The following HEBP2 variants were observed in gnomAD, a reference collection of about 807,000 sequenced individuals.
The protein encoded by HEBP2 is heme-binding protein 2.
HEBP2 carries 27 observed loss-of-function variants against 23.1 expected under a neutral mutation model. The ratio of observed to expected loss-of-function variants is 1.17; its 90% CI spans 0.86 to 1.61. HEBP2 has a LOEUF of 1.61. Ranked by LOEUF, HEBP2 falls within the 40% of genes most tolerant of loss-of-function variation. The probability of loss-of-function intolerance (pLI) is 0.00; values close to 1 mark genes in which losing one functional copy is unlikely to be tolerated. For synonymous variants in HEBP2, 99 were observed against 95.1 expected (o/e 1.04, Z -0.24); for missense variants, 245 against 253.8 (o/e 0.97, Z 0.24).
Position 138,419,104 on chromosome 6 carries a change from G to C in HEBP2, c.*6026G>C, listed in dbSNP as rs985133298. ...GACTTAGCCTGTTCTATTAGCTTTT[G>C]CCAGTGCCCACCTCAGTGCTGGTAA... On this transcript the variant is annotated 3_prime_UTR_variant, in exon 4 of 4. Transcript: ENST00000607197. 6.6e-6 allele frequency: 1 copy of C among 152,134 alleles called. No homozygotes were observed. The highest frequency in any genetic ancestry group is 1.5e-5 in the Non-Finnish European group (1 of 68,054). The allele number at this position is 152,134 out of a possible 1,614,324, so 9.4% of individuals were successfully genotyped here. A position where few individuals can be genotyped will look rare whatever the true frequency, so the allele number is the denominator to read the frequency against.
In HEBP2 at chr6:138,422,023, A is replaced by C. The variant is rs987139229; in HGVS notation, c.*8945A>C. 5.9e-5 allele frequency: 9 copies of C among 152,224 alleles called. No homozygotes were observed. The highest frequency in any genetic ancestry group is 5.9e-4 in the Admixed American group (9 of 15,282). 9.4% of individuals were successfully genotyped at this position (152,224 alleles called of 1,614,324 possible). ...ATTCAAAAAAAATGCATGTATAAACAAAAAGAAATATTTCAAATATTTACT... is the reference window on the plus strand; with the variant it reads ...ATTCAAAAAAAATGCATGTATAAACCAAAAGAAATATTTCAAATATTTACT... On this transcript the variant is annotated 3_prime_UTR_variant, in exon 4 of 4. Transcript: ENST00000607197.
chr6:138,420,835 T>TCTAA lies in HEBP2; in HGVS notation c.*7760_*7763dup, dbSNP rs375626714. 6 of 152,228 alleles carry TCTAA rather than the reference T, an allele frequency of 3.9e-5. No homozygotes were observed. Among genetic ancestry groups the TCTAA allele is most frequent in the African/African-American group, 7.2e-5 (3 of 41,464 alleles). 9.4% of individuals were successfully genotyped at this position (152,228 alleles called of 1,614,324 possible). A position where few individuals can be genotyped will look rare whatever the true frequency, so the allele number is the denominator to read the frequency against. On this transcript the variant is annotated 3_prime_UTR_variant, in exon 4 of 4. Coordinates refer to ENST00000607197, the MANE Select transcript of HEBP2 (RefSeq NM_014320.3). ...ACTCCAATAATAAATCCTTTGGTATTCTAACTGTCTACTTCTTGAAGAATC... is the reference window on the plus strand; with the variant it reads ...ACTCCAATAATAAATCCTTTGGTATTCTAACTAACTGTCTACTTCTTGAAGAATC...
chr6:138,410,143 C>T (rs530091797), intron 3 of HEBP2, among the ~76,000 whole-genome samples: 2 of 152,274 alleles, frequency 1.3e-5, no homozygotes, highest in South Asian at 2.1e-4. Flanking sequence ...TCTTCTTCTT[C>T]TAAGTAATAG....
intron 3 of HEBP2, among the ~76,000 whole-genome samples, chr6:138,406,869 G>GTA (rs760215377): frequency 2.3e-3 from 350 of 151,440 alleles, no homozygotes; most frequent in Middle Eastern, 3.4e-3. Flanking sequence ...TCTACCAAAT[G>GTA]TATATATATA....
In HEBP2 at chr6:138,417,031, AAG is replaced by A. The variant is rs763282123; in HGVS notation, c.*3956_*3957del. 6.6e-6 allele frequency: 1 copy of A among 152,188 alleles called. No individual in the cohort carries two copies. The highest frequency in any genetic ancestry group is 1.5e-5 in the Non-Finnish European group (1 of 68,038). The allele number at this position is 152,188 out of a possible 1,614,324, so 9.4% of individuals were successfully genotyped here. A position where few individuals can be genotyped will look rare whatever the true frequency, so the allele number is the denominator to read the frequency against. On this transcript the variant is annotated 3_prime_UTR_variant, in exon 4 of 4. Coordinates refer to ENST00000607197, the MANE Select transcript of HEBP2 (RefSeq NM_014320.3). ...TACTCAGGTGGCTCTACCCTGGGGA[AAG>A]AGGAATACCTGGATACGTCAGGGTC...
intron 3 of HEBP2, chr6:138,412,194 C>T (rs778865318): frequency 9.6e-5 from 35 of 363,974 alleles, no homozygotes; most frequent in Admixed American, 3.0e-4. Context: ...TGTGGGAGCT[C>T]GGAGGAAATA....
Position 138,418,214 on chromosome 6 carries a change from A to G in HEBP2, c.*5136A>G, listed in dbSNP as rs1028544893. The G allele has an allele frequency of 1.3e-5, 2 of 152,254 alleles. No homozygotes were observed. The highest frequency in any genetic ancestry group is 2.9e-5 in the Non-Finnish European group (2 of 68,046). The allele number at this position is 152,254 out of a possible 1,614,324, so 9.4% of individuals were successfully genotyped here. A position where few individuals can be genotyped will look rare whatever the true frequency, so the allele number is the denominator to read the frequency against. ...ATCATTAGAAGTAGAACCAGAAGTGACAGATATGAAGAAATTAGCAGCTTG... is the reference window on the plus strand; with the variant it reads ...ATCATTAGAAGTAGAACCAGAAGTGGCAGATATGAAGAAATTAGCAGCTTG... On this transcript the variant is annotated 3_prime_UTR_variant, in exon 4 of 4. Coordinates refer to ENST00000607197, the MANE Select transcript of HEBP2 (RefSeq NM_014320.3).
rs2128183352 is a variant in HEBP2 at position 138,417,965 on chromosome 6, G to T, written c.*4887G>T. 1 of 152,296 alleles carries T rather than the reference G, an allele frequency of 6.6e-6. No individual in the cohort carries two copies. The highest frequency in any genetic ancestry group is 2.1e-4 in the South Asian group (1 of 4,820). The allele number at this position is 152,296 out of a possible 1,614,324, so 9.4% of individuals were successfully genotyped here. A position where few individuals can be genotyped will look rare whatever the true frequency, so the allele number is the denominator to read the frequency against. On this transcript the variant is annotated 3_prime_UTR_variant, in exon 4 of 4. Transcript: ENST00000607197. ...AGGTCAAATTGTCCCTAGACCAAAG[G>T]CTTCTTTGGACTTCCCCTAACAAAG... is the stretch of plus-strand genomic sequence containing the variant.
rs901916007 is a variant in HEBP2, at chr6:138,413,714, C to G, written c.*636C>G. 1 of 152,510 alleles carries G rather than the reference C, an allele frequency of 6.6e-6. No individual in the cohort carries two copies. The highest frequency in any genetic ancestry group is 1.5e-5 in the Non-Finnish European group (1 of 68,214). 9.4% of individuals were successfully genotyped at this position (152,510 alleles called of 1,614,324 possible). ...CCCTAAACATTTCCCTGAACTGTCACGTATTTTCATTCATTCTTTAACTCA... is the reference window on the plus strand; with the variant it reads ...CCCTAAACATTTCCCTGAACTGTCAGGTATTTTCATTCATTCTTTAACTCA... On this transcript the variant is annotated 3_prime_UTR_variant, in exon 4 of 4. Transcript: ENST00000607197.
chr6:138,417,830 A>G lies in HEBP2; in HGVS notation c.*4752A>G, dbSNP rs1774863886. 1 of 152,216 alleles carries G rather than the reference A, an allele frequency of 6.6e-6. No homozygotes were observed. The highest frequency in any genetic ancestry group is 2.4e-5 in the African/African-American group (1 of 41,446). The allele number at this position is 152,216 out of a possible 1,614,324, so 9.4% of individuals were successfully genotyped here. A position where few individuals can be genotyped will look rare whatever the true frequency, so the allele number is the denominator to read the frequency against. ...AATTAGTAGAGCAAATAATTTACAGATCATCTATGGGGCTGGGAAAAGTTT... is the reference window on the plus strand; with the variant it reads ...AATTAGTAGAGCAAATAATTTACAGGTCATCTATGGGGCTGGGAAAAGTTT... On this transcript the variant is annotated 3_prime_UTR_variant, in exon 4 of 4. Transcript: ENST00000607197.
Position 138,419,111 on chromosome 6 carries a change from C to G in HEBP2, c.*6033C>G, listed in dbSNP as rs1436302264. 6.6e-6 allele frequency: 1 copy of G among 151,924 alleles called. No individual in the cohort carries two copies. The highest frequency in any genetic ancestry group is 1.5e-5 in the Non-Finnish European group (1 of 68,014). 9.4% of individuals were successfully genotyped at this position (151,924 alleles called of 1,614,324 possible). A position where few individuals can be genotyped will look rare whatever the true frequency, so the allele number is the denominator to read the frequency against. On this transcript the variant is annotated 3_prime_UTR_variant, in exon 4 of 4. Transcript: ENST00000607197. ...CCTGTTCTATTAGCTTTTGCCAGTG[C>G]CCACCTCAGTGCTGGTAAAATGCAC... is the stretch of plus-strand genomic sequence containing the variant.
chr6:138,410,521 G>T (rs1774727586), intron 3 of HEBP2, among the ~76,000 whole-genome samples: 2 of 141,070 alleles, frequency 1.4e-5, no homozygotes, highest in Admixed American at 7.4e-5. Flanking sequence ...CACTCTTGTT[G>T]CGCAAGCTGG....
At position 138,406,009 on chromosome 6, in the gene HEBP2, G is replaced by A. The variant is rs535510705; in HGVS notation, c.277G>A (p.Val93Met). 1.2e-5 allele frequency: 20 copies of A among 1,613,838 alleles called. No individual in the cohort carries two copies. Among genetic ancestry groups the A allele is most frequent in the South Asian group, 6.6e-5 (6 of 90,946 alleles). The change falls in exon 3 of 4, where the codon GTG becomes ATG. Residue 93 changes from valine (V) to methionine (M), a missense_variant. By Grantham distance (21) the Val-to-Met change is conservative (BLOSUM62 1). Coordinates refer to ENST00000607197, the MANE Select transcript of HEBP2 (RefSeq NM_014320.3). Reference sequence around the variant, plus strand: ...GATGACAGCTCCAGTGACAAGCTACGTGGAGCCTGGTTCAGGTCCTTTTAG... The same window carrying A: ...GATGACAGCTCCAGTGACAAGCTACATGGAGCCTGGTTCAGGTCCTTTTAG... ...IKMTAPVTSY[V>M]EPGSGPFSES...
At position 138,405,175 on chromosome 6, in the gene HEBP2, C is replaced by T; in HGVS notation, c.133C>T (p.Pro45Ser). Reference sequence around the variant, plus strand: ...AAGTTATGAGATCCGACACTATGGACCAGCCAAGTGGGTCAGCACGTCCGT... The same window carrying T: ...AAGTTATGAGATCCGACACTATGGATCAGCCAAGTGGGTCAGCACGTCCGT... ...PGSYEIRHYG[P>S]AKWVSTSVES... Residue 45 changes from proline to serine, a missense_variant, in exon 2 of 4, where the codon CCA becomes TCA. Transcript: ENST00000607197. The T allele has an allele frequency of 6.2e-7, 1 of 1,613,798 alleles. No homozygotes were observed. Among genetic ancestry groups the T allele is most frequent in the South Asian group, 1.1e-5 (1 of 91,002 alleles).
At chr6:138,410,522 C>T (rs1434679525) in intron 3 of HEBP2, among the ~76,000 whole-genome samples, 7 of 144,762 alleles carry the variant, frequency 4.8e-5, no homozygotes, top group African/African-American at 1.3e-4. Context: ...ACTCTTGTTG[C>T]GCAAGCTGGA....
chr6:138,404,693 T>A, intron 1 of HEBP2, 96 bp downstream of exon 1: 1 of 752,420 alleles, frequency 1.3e-6, no homozygotes, highest in Non-Finnish European at 1.8e-6. Flanking sequence ...AAAAGTACAG[T>A]TTTTTAAATG....
chr6:138,410,939 T>A (rs1338778626), intron 3 of HEBP2, among the ~76,000 whole-genome samples: 1 of 152,240 alleles, frequency 6.6e-6, no homozygotes, highest in East Asian at 1.9e-4. Context: ...GGGAACTGCA[T>A]GCCAGGAATG....
At position 138,406,104 on chromosome 6, in the gene HEBP2, G is replaced by A; in HGVS notation, c.372G>A (p.Glu124=). 1 of 1,614,132 alleles carries A rather than the reference G, an allele frequency of 6.2e-7. No homozygotes were observed. Reference sequence around the variant, plus strand: ...AATTTGATCCACCCAGGCCTTTAGAGTCAGATGTCTTCATTGAAGATAGAG... The same window carrying A: ...AATTTGATCCACCCAGGCCTTTAGAATCAGATGTCTTCATTGAAGATAGAG... ...EQQFDPPRPL[E]SDVFIEDRAE... The change falls in exon 3 of 4, where the codon GAG becomes GAA. Residue 124 remains glutamate (E), a synonymous_variant. Transcript: ENST00000607197.
At chr6:138,408,537 C>T (rs1385938149) in intron 3 of HEBP2, among the ~76,000 whole-genome samples, 1 of 152,112 alleles carries the variant, frequency 6.6e-6, no homozygotes, top group African/African-American at 2.4e-5. Flanking sequence ...TGGTATGACT[C>T]CCACTCTCTC....
Sources: allele counts gnomAD v4.1 joint callset (sites outside exome capture counted in the v4.1 genomes callset), GRCh38; gene constraint gnomAD v4.1.1; transcripts MANE v1.5; gene names NCBI Gene and HGNC (gene_info 2026-07-23, HGNC 2026-07-21).